The following FTO variants were observed in gnomAD, a reference collection of about 807,000 sequenced individuals.
FTO encodes the protein alpha-ketoglutarate-dependent dioxygenase FTO.
Under a neutral mutation model 63.9 loss-of-function variants are expected in FTO, and 47 were observed. That is an observed-to-expected ratio of 0.74 (90% confidence interval 0.58 to 0.94). The LOEUF (loss-of-function observed/expected upper bound fraction) is 0.94. FTO is among the 40% of genes least tolerant of loss of function. FTO has a pLI of 0.00. For synonymous variants in FTO, 207 were observed against 224.4 expected, an observed-to-expected ratio of 0.92 and a Z score of 0.69; for missense variants, 562 against 618.1, an observed-to-expected ratio of 0.91 and a Z score of 0.96.
chr16:53,813,545 A>G (rs1031372441), intron 2 of FTO, among the ~76,000 whole-genome samples: 3 of 152,214 alleles, frequency 2.0e-5, no homozygotes, highest in African/African-American at 7.2e-5. Context: ...TAGTACTTCA[A>G]TAAAACCTTA....
intron 1 of FTO, among the ~76,000 whole-genome samples, chr16:53,737,871 G>A (rs954086402): frequency 2.6e-5 from 4 of 152,148 alleles, no homozygotes. Flanking sequence ...ATCATACCGT[G>A]TGTGGTCTTT....
At chr16:53,827,112 A>G (rs8061518) in intron 3 of FTO, among the ~76,000 whole-genome samples, 57,888 of 151,956 alleles carry the variant, frequency 0.38, 11,301 homozygotes, top group African/African-American at 0.45. Context: ...TCTTTACCCA[A>G]TTCTGCAGTT....
chr16:53,860,718 A>G (rs2080149497), intron 4 of FTO, among the ~76,000 whole-genome samples: 1 of 152,012 alleles, frequency 6.6e-6, no homozygotes, highest in Admixed American at 6.6e-5. Flanking sequence ...AGAAACCGCC[A>G]TGATCCAATC....
chr16:53,909,122 C>T lies in FTO; in HGVS notation c.1239+20171C>T, dbSNP rs140166001. On this transcript the variant is annotated intron_variant, in intron 7 of 8. Coordinates refer to ENST00000471389, the MANE Select transcript of FTO (RefSeq NM_001080432.3). Reference sequence around the variant, plus strand: ...ATTTCCTAATTGTTCCATCCTCTTCCAGTAGAGTCTGTTATCTTTTGAAAA... The same window carrying T: ...ATTTCCTAATTGTTCCATCCTCTTCTAGTAGAGTCTGTTATCTTTTGAAAA... Among the ~76,000 whole-genome samples the T allele has an allele frequency of 2.3e-3, 352 of 152,270 alleles. 2 individuals carry two copies. The highest frequency in any genetic ancestry group is 8.2e-3 in the African/African-American group (342 of 41,532).
intron 1 of FTO, chr16:53,764,272 T>C (rs139820681): frequency 1.3e-5 from 2 of 152,164 alleles, no homozygotes; most frequent in African/African-American, 2.4e-5. Context: ...TGGATAACCA[T>C]GTGAGAAGGT....
At chr16:53,843,368 T>TA (rs1462655906) in intron 3 of FTO, among the ~76,000 whole-genome samples, 1 of 152,246 alleles carries the variant, frequency 6.6e-6, no homozygotes, top group Admixed American at 6.5e-5. Flanking sequence ...AACACTGTGT[T>TA]GTTTTCAAAC....
At chr16:53,746,664 A>T (rs1241925147) in intron 1 of FTO, among the ~76,000 whole-genome samples, 1 of 152,204 alleles carries the variant, frequency 6.6e-6, no homozygotes, top group Non-Finnish European at 1.5e-5. Flanking sequence ...TAACATATAT[A>T]TCAGGTCAAA....
chr16:54,033,576 G>A (rs1204052351), intron 8 of FTO, among the ~76,000 whole-genome samples: 2 of 152,122 alleles, frequency 1.3e-5, no homozygotes, highest in East Asian at 3.9e-4. Flanking sequence ...TCAGCACTTT[G>A]GGAGGCTGAC....
chr16:54,078,806 G>A (rs1599329182), intron 8 of FTO, among the ~76,000 whole-genome samples: 2 of 152,030 alleles, frequency 1.3e-5, no homozygotes, highest in East Asian at 3.9e-4. Flanking sequence ...ACGCCTGGTG[G>A]GTCACTTGAG....
In FTO at chr16:54,058,195, G is replaced by A. The variant is rs929524928; in HGVS notation, c.1365-53567G>A. Among the ~76,000 whole-genome samples, 27 of 152,062 alleles carry A rather than the reference G, an allele frequency of 1.8e-4. 1 individual carries two copies. The highest frequency in any genetic ancestry group is 3.4e-3 in the Middle Eastern group (1 of 294). ...ACAATCTCAGCCCACTGAAACCTCC[G>A]CCGCCTCCAGGGTTCAGGTGATTCT... On this transcript the variant is annotated intron_variant, in intron 8 of 8. Transcript: ENST00000471389.
rs1481099950 is a variant in FTO, at chr16:54,117,517, T to G, written c.*5602T>G. Reference sequence around the variant, plus strand: ...AAATCACGCCACGCATGTACATTATTATGATGAAAAATATGATCCGTGATA... The same window carrying G: ...AAATCACGCCACGCATGTACATTATGATGATGAAAAATATGATCCGTGATA... On this transcript the variant is annotated 3_prime_UTR_variant, in exon 9 of 9. Coordinates refer to ENST00000471389, the MANE Select transcript of FTO (RefSeq NM_001080432.3). The G allele has an allele frequency of 6.6e-6, 1 of 152,178 alleles. No homozygotes were observed. Among genetic ancestry groups the G allele is most frequent in the Non-Finnish European group, 1.5e-5 (1 of 68,036 alleles). 9.4% of individuals were successfully genotyped at this position (152,178 alleles called of 1,614,324 possible). A position where few individuals can be genotyped will look rare whatever the true frequency, so the allele number is the denominator to read the frequency against.
At chr16:53,907,723 G>T (rs973047407) in intron 7 of FTO, among the ~76,000 whole-genome samples, 12 of 151,818 alleles carry the variant, frequency 7.9e-5, no homozygotes, top group African/African-American at 2.4e-4. Flanking sequence ...ATCACATCAT[G>T]CTCCCTTCTT....
intron 8 of FTO, among the ~76,000 whole-genome samples, chr16:54,029,233 C>T (rs2084778652): frequency 6.6e-6 from 1 of 152,184 alleles, no homozygotes; most frequent in Non-Finnish European, 1.5e-5. Context: ...TCACAGGCCT[C>T]ACTAAATGAA....
In FTO at chr16:53,795,059, A is replaced by G. The variant is rs140241958; in HGVS notation, c.46-15081A>G. 3.9e-4 allele frequency among the ~76,000 whole-genome samples: 60 copies of G among 152,332 alleles called. 1 individual carries two copies. The highest frequency in any genetic ancestry group is 7.2e-4 in the Non-Finnish European group (49 of 68,018). On this transcript the variant is annotated intron_variant, in intron 1 of 8. Transcript: ENST00000471389. ...GGGGATAAATAAAGGCATTACATTGATGAAAAATGATGTTTAAAAATACTC... is the reference window on the plus strand; with the variant it reads ...GGGGATAAATAAAGGCATTACATTGGTGAAAAATGATGTTTAAAAATACTC...
At position 54,037,820 on chromosome 16, in the gene FTO, TA is replaced by T. The variant is rs149048426; in HGVS notation, c.1365-73936del. On this transcript the variant is annotated intron_variant, in intron 8 of 8. Coordinates refer to ENST00000471389, the MANE Select transcript of FTO (RefSeq NM_001080432.3). ...GAATGCTTATATATAGTCATTATGTTAAAAAATATGTAAAAATTACGTATGC... is the reference window on the plus strand; with the variant it reads ...GAATGCTTATATATAGTCATTATGTTAAAAATATGTAAAAATTACGTATGC... Among the ~76,000 whole-genome samples the T allele has an allele frequency of 4.7e-3, 714 of 152,346 alleles. 5 individuals are homozygous for T. Among genetic ancestry groups the T allele is most frequent in the African/African-American group, 0.016 (686 of 41,578 alleles).
At chr16:53,875,431 A>T (rs1388010909) in intron 5 of FTO, among the ~76,000 whole-genome samples, 2 of 152,254 alleles carry the variant, frequency 1.3e-5, no homozygotes, top group African/African-American at 4.8e-5. Context: ...GGATTAAATT[A>T]GTTAATACAT....
intron 8 of FTO, among the ~76,000 whole-genome samples, chr16:54,032,764 C>T (rs1385553267): frequency 2.0e-5 from 3 of 152,116 alleles, no homozygotes; most frequent in Non-Finnish European, 4.4e-5. Flanking sequence ...GTATGGTCCC[C>T]ATTGTTGGAG....
At chr16:53,961,867 G>A (rs1567476928) in intron 8 of FTO, among the ~76,000 whole-genome samples, 1 of 152,104 alleles carries the variant, frequency 6.6e-6, no homozygotes, top group African/African-American at 2.4e-5. Context: ...AGGTAAGTGG[G>A]CAGTGTGAAA....
At chr16:53,729,528 C>T (rs1009615594) in intron 1 of FTO, among the ~76,000 whole-genome samples, 2 of 151,822 alleles carry the variant, frequency 1.3e-5, no homozygotes, top group African/African-American at 2.4e-5. Context: ...GTAAAATGAC[C>T]GTGTCACTCC....
Sources: allele counts gnomAD v4.1 joint callset (sites outside exome capture counted in the v4.1 genomes callset), GRCh38; gene constraint gnomAD v4.1.1; transcripts MANE v1.5; gene names NCBI Gene and HGNC (gene_info 2026-07-23, HGNC 2026-07-21).